Variants in RIMS2 observed in about 807,000 individuals in gnomAD.
RIMS2 encodes regulating synaptic membrane exocytosis 2, also known as regulating synaptic membrane exocytosis protein 2.
A neutral mutation model predicts 174.4 loss-of-function variants in RIMS2; 59 were observed. The ratio of observed to expected loss-of-function variants is 0.34; its 90% confidence interval spans 0.27 to 0.42. RIMS2 has a LOEUF of 0.42. RIMS2 is among the 10% of genes least tolerant of loss of function. The probability of loss-of-function intolerance (pLI) is 1.00; values close to 1 mark genes in which losing one functional copy is unlikely to be tolerated. For missense variants in RIMS2, 1,620 were observed against 1,666.3 expected, an observed-to-expected ratio of 0.97 and a Z score of 0.48; for synonymous variants, 606 against 572.5, an observed-to-expected ratio of 1.06 and a Z score of -0.84.
At chr8:103,917,894 A>G (rs1032854319) in intron 8 of RIMS2, among the ~76,000 whole-genome samples, 3 of 152,180 alleles carry the variant, frequency 2.0e-5, no homozygotes, top group Admixed American at 6.5e-5. Flanking sequence ...GCTTGAACCC[A>G]GAAAGTGGAG....
rs552269153 is a variant in RIMS2, at chr8:103,840,386, C to A, written c.699-44912C>A. On this transcript the variant is annotated intron_variant, in intron 3 of 23. Coordinates refer to ENST00000504942, the Ensembl canonical transcript of RIMS2. ...TTCATCTTTGTAAAAAGTCATTGTT[C>A]TATTTTTCCCACTAGTTCTACATTG... 2.6e-5 allele frequency among the ~76,000 whole-genome samples: 4 copies of A among 151,008 alleles called. No individual in the cohort carries two copies. In the East Asian group the frequency reaches 7.9e-4, roughly 30 times the overall value.
At chr8:104,009,668 T>C (rs1473044386) in intron 17 of RIMS2, among the ~76,000 whole-genome samples, 1 of 152,182 alleles carries the variant, frequency 6.6e-6, no homozygotes, top group Non-Finnish European at 1.5e-5. Flanking sequence ...CCTGAGACCA[T>C]ACTTGTTCTT....
intron 1 of RIMS2, among the ~76,000 whole-genome samples, chr8:103,553,146 T>C (rs531181805): frequency 0.18 from 27,338 of 151,560 alleles, 2,701 homozygotes; most frequent in African/African-American, 0.25. Context: ...CACATGCACA[T>C]GTGTGTTTAT....
intron 1 of RIMS2, among the ~76,000 whole-genome samples, chr8:103,625,900 T>G (rs1207732081): frequency 6.6e-6 from 1 of 151,738 alleles, no homozygotes; most frequent in Non-Finnish European, 1.5e-5. Flanking sequence ...TATGTGTATG[T>G]GTGTATATAT....
In RIMS2 at chr8:103,921,711, C is replaced by A. The variant is rs1373870807; in HGVS notation, c.2123C>A (p.Ser708Tyr). 3.8e-6 allele frequency: 6 copies of A among 1,571,094 alleles called. No individual in the cohort carries two copies. In the East Asian group the frequency reaches 1.3e-4, roughly 35 times the overall value. The change falls in exon 10 of 24, where the codon TCT becomes TAT. Residue 708 changes from serine to tyrosine, a missense_variant. Ser to Tyr is a moderately radical substitution (Grantham distance 144). Coordinates refer to ENST00000504942, the Ensembl canonical transcript of RIMS2. ...GAATCTCAAAAAATGGATCGTCCTTCTATTTCTGTTACCTCTCCCATGAGT... is the reference window on the plus strand; with the variant it reads ...GAATCTCAAAAAATGGATCGTCCTTATATTTCTGTTACCTCTCCCATGAGT...
At chr8:104,119,435 A>G (rs1458376251) in intron 19 of RIMS2, among the ~76,000 whole-genome samples, 1 of 152,178 alleles carries the variant, frequency 6.6e-6, no homozygotes, top group Non-Finnish European at 1.5e-5. Context: ...CTGGGTTTAT[A>G]TATATGGCAG....
In RIMS2 at chr8:104,247,019, G is replaced by A. The variant is rs1453407426; in HGVS notation, c.3477-1682G>A. 2.4e-5 allele frequency among the ~76,000 whole-genome samples: 3 copies of A among 123,874 alleles called. No individual in the cohort carries two copies. In the East Asian group the frequency reaches 7.5e-4, roughly 31 times the overall value. The allele number at this position is 123,874 out of a possible 152,430, so 81.3% of individuals were successfully genotyped here. On this transcript the variant is annotated intron_variant, in intron 20 of 23. Coordinates refer to ENST00000504942, the Ensembl canonical transcript of RIMS2. Reference sequence around the variant, plus strand: ...GCTGAGGGGGCAAGGGGCCAGGACAGCAAGGGCAGCAACAGGGAGAGCATT... The same window carrying A: ...GCTGAGGGGGCAAGGGGCCAGGACAACAAGGGCAGCAACAGGGAGAGCATT...
At chr8:103,689,174 T>C (rs1579377) in intron 1 of RIMS2, among the ~76,000 whole-genome samples, 53,809 of 151,968 alleles carry the variant, frequency 0.35, 10,245 homozygotes, top group East Asian at 0.77. Context: ...AAATTTCTCA[T>C]ATTATTGATT....
chr8:103,922,482 A>G (rs537662090), intron 10 of RIMS2, among the ~76,000 whole-genome samples: 2 of 151,956 alleles, frequency 1.3e-5, no homozygotes, highest in South Asian at 4.1e-4. Flanking sequence ...TCATTAAACC[A>G]TTTTAAAATA....
chr8:103,619,869 T>C (rs2095595528), intron 1 of RIMS2, among the ~76,000 whole-genome samples: 1 of 152,164 alleles, frequency 6.6e-6, no homozygotes. Flanking sequence ...ACAAGATGTA[T>C]GTACATAGCT....
At chr8:104,249,444 A>T (rs1232438968) in intron 21 of RIMS2, 43 bp from the exon 28 acceptor site, 1 of 1,033,148 alleles carries the variant, frequency 9.7e-7, no homozygotes, top group Admixed American at 1.7e-5. Flanking sequence ...TCCTTAGTGC[A>T]TTTGTATATT....
rs189343489 is a variant in RIMS2, at chr8:103,907,776, C to T, written c.1625-2358C>T. Among the ~76,000 whole-genome samples the T allele has an allele frequency of 6.2e-3, 932 of 150,330 alleles. 10 individuals are homozygous for T. The highest frequency in any genetic ancestry group is 0.02 in the African/African-American group (835 of 40,860). Reference sequence around the variant, plus strand: ...TTATGTTTTTTTTTTGAGACGGAGTCGCTCTGTCGCCCAGGCTGGAGTGCA... The same window carrying T: ...TTATGTTTTTTTTTTGAGACGGAGTTGCTCTGTCGCCCAGGCTGGAGTGCA... On this transcript the variant is annotated intron_variant, in intron 4 of 23. Transcript: ENST00000504942.
intron 1 of RIMS2, among the ~76,000 whole-genome samples, chr8:103,616,493 C>T (rs1285128213): frequency 6.6e-6 from 1 of 152,142 alleles, no homozygotes; most frequent in Non-Finnish European, 1.5e-5. Context: ...CACTTCTATT[C>T]AACATAGTTT....
exon 1 of RIMS2, chr8:103,500,966 C>G (rs1819372110): frequency 6.2e-7 from 1 of 1,610,868 alleles, no homozygotes; most frequent in African/African-American, 1.3e-5. Flanking sequence ...CCCGAGATGC[C>G]TGACCTCAGC....
At chr8:104,041,622 A>G (rs2096610838) in intron 19 of RIMS2, among the ~76,000 whole-genome samples, 1 of 151,710 alleles carries the variant, frequency 6.6e-6, no homozygotes, top group African/African-American at 2.4e-5. Flanking sequence ...ACTAAAGGCA[A>G]ATAGGATGTG....
chr8:103,575,515 A>G (rs1005902105), intron 1 of RIMS2, among the ~76,000 whole-genome samples: 2 of 151,996 alleles, frequency 1.3e-5, no homozygotes, highest in Middle Eastern at 3.2e-3. Flanking sequence ...TAATATTCCT[A>G]TATTAGTTTC....
At chr8:103,826,726 C>T (rs2098793351) in intron 3 of RIMS2, among the ~76,000 whole-genome samples, 1 of 150,420 alleles carries the variant, frequency 6.6e-6, no homozygotes, top group East Asian at 1.9e-4. Flanking sequence ...TATATATACT[C>T]TCTGTCACCC....
chr8:103,908,122 A>T (rs570738585), intron 4 of RIMS2, among the ~76,000 whole-genome samples: 3 of 151,778 alleles, frequency 2.0e-5, no homozygotes, highest in East Asian at 3.9e-4. Flanking sequence ...GCTCACTGCA[A>T]CCTCCGCCTC....
At chr8:103,708,981 T>C (rs2097267672) in intron 2 of RIMS2, among the ~76,000 whole-genome samples, 1 of 152,180 alleles carries the variant, frequency 6.6e-6, no homozygotes, top group Admixed American at 6.5e-5. Flanking sequence ...TTTATTTTTT[T>C]CCTTGTGTTT....
Sources: gnomAD v4.1 joint callset for allele counts (sites outside exome capture counted in the v4.1 genomes callset) on GRCh38, gnomAD v4.1.1 for gene constraint, MANE v1.5 for transcripts, NCBI Gene and HGNC (gene_info 2026-07-23, HGNC 2026-07-21) for gene names.